Variants in MAPKAP1 observed in about 807,000 individuals in gnomAD.
MAPKAP1 encodes target of rapamycin complex 2 subunit MAPKAP1.
A neutral mutation model predicts 65.7 loss-of-function variants in MAPKAP1; 20 were observed. That is an observed-to-expected ratio of 0.30 (90% CI 0.21 to 0.44). MAPKAP1 has a LOEUF of 0.44. Ranked by LOEUF, MAPKAP1 falls within the 20% of genes least tolerant of loss-of-function variation. The pLI, the probability that MAPKAP1 is intolerant of heterozygous loss-of-function variation, is 1.00. For synonymous variants in MAPKAP1, 222 were observed against 244.3 expected (o/e 0.91, Z 0.85); for missense variants, 423 against 648.0 (o/e 0.65, Z 3.77).
At chr9:125,662,450 G>C (rs1188651432) in intron 3 of MAPKAP1, among the ~76,000 whole-genome samples, 1 of 152,196 alleles carries the variant, frequency 6.6e-6, no homozygotes, top group Admixed American at 6.5e-5. Context: ...TTGGGAGGCC[G>C]AGGTGGGTGG....
At chr9:125,693,574 C>A (rs1835250817) in intron 1 of MAPKAP1, among the ~76,000 whole-genome samples, 2 of 150,156 alleles carry the variant, frequency 1.3e-5, no homozygotes, top group Non-Finnish European at 3.0e-5. Flanking sequence ...TATACATACA[C>A]ACACATATAT....
intron 11 of MAPKAP1, among the ~76,000 whole-genome samples, chr9:125,441,998 G>T (rs1035869157): frequency 6.6e-6 from 1 of 151,792 alleles, no homozygotes; most frequent in Non-Finnish European, 1.5e-5. Context: ...GCTTGGTGGC[G>T]GGTGCCTGTA....
At chr9:125,568,193 G>A (rs989703744) in intron 5 of MAPKAP1, among the ~76,000 whole-genome samples, 4 of 152,152 alleles carry the variant, frequency 2.6e-5, no homozygotes, top group Non-Finnish European at 4.4e-5. Context: ...GATTTAGGGG[G>A]TTAAAGGCCC....
chr9:125,619,090 G>T (rs1832825104), intron 4 of MAPKAP1, among the ~76,000 whole-genome samples: 1 of 152,186 alleles, frequency 6.6e-6, no homozygotes, highest in African/African-American at 2.4e-5. Flanking sequence ...CCTTGGTCAT[G>T]CCACTGCACC....
chr9:125,702,138 T>C (rs529670278), intron 1 of MAPKAP1, among the ~76,000 whole-genome samples: 133 of 152,306 alleles, frequency 8.7e-4, no homozygotes, highest in Admixed American at 1.0e-3. Flanking sequence ...GGCTCACACC[T>C]GTAATCCCAA....
At chr9:125,565,191 T>C (rs899165849) in intron 5 of MAPKAP1, among the ~76,000 whole-genome samples, 1 of 152,246 alleles carries the variant, frequency 6.6e-6, no homozygotes, top group East Asian at 1.9e-4. Flanking sequence ...AAAAAATTTA[T>C]TTCATTGAAT....
chr9:125,582,301 AC>A, intron 5 of MAPKAP1, among the ~76,000 whole-genome samples: 1 of 152,292 alleles, frequency 6.6e-6, no homozygotes, highest in East Asian at 1.9e-4. Flanking sequence ...GTGAGCTTAA[AC>A]ATATTTATTT....
chr9:125,566,561 TGAAAAAGAAAAAGAAAAAGAAAAA>T (rs72228008), intron 5 of MAPKAP1, among the ~76,000 whole-genome samples: 2 of 147,674 alleles, frequency 1.4e-5, no homozygotes, highest in Non-Finnish European at 3.0e-5. Context: ...GACACTGTCT[TGAAAAAGAAAAAGAAAAAGAAAAA>T]GAAAAAGAAA....
intron 6 of MAPKAP1, among the ~76,000 whole-genome samples, chr9:125,548,390 TG>T (rs1199830500): frequency 1.1e-4 from 16 of 152,234 alleles, no homozygotes; most frequent in Admixed American, 4.6e-4. Context: ...AGCTTCCTAG[TG>T]GGGATGATGT....
intron 5 of MAPKAP1, among the ~76,000 whole-genome samples, chr9:125,567,273 C>T (rs945219433): frequency 6.6e-6 from 1 of 152,196 alleles, no homozygotes; most frequent in African/African-American, 2.4e-5. Context: ...GGGCTGCATT[C>T]CCAGATGGTT....
chr9:125,693,116 T>C (rs1407158529), intron 1 of MAPKAP1, among the ~76,000 whole-genome samples: 3 of 152,024 alleles, frequency 2.0e-5, no homozygotes, highest in East Asian at 3.9e-4. Flanking sequence ...ATAATATTTT[T>C]ATATTAAGAA....
intron 8 of MAPKAP1, 168 bp downstream of exon 8, chr9:125,506,142 A>G: frequency 1.5e-6 from 1 of 656,148 alleles, no homozygotes; most frequent in Non-Finnish European, 2.8e-6. Flanking sequence ...CACAAAATCA[A>G]TCATTTCACT....
intron 6 of MAPKAP1, among the ~76,000 whole-genome samples, chr9:125,556,945 CACATATAA>C (rs1425753601): frequency 6.6e-6 from 1 of 152,152 alleles, no homozygotes; most frequent in Non-Finnish European, 1.5e-5. Context: ...TCTTAATGCT[CACATATAA>C]AGATTTCACT....
chr9:125,698,500 C>T (rs887548448), intron 1 of MAPKAP1, among the ~76,000 whole-genome samples: 3 of 150,650 alleles, frequency 2.0e-5, no homozygotes, highest in Non-Finnish European at 4.4e-5. Flanking sequence ...TGCCACCACG[C>T]CTGGCAAATT....
chr9:125,684,672 G>A (rs906539932), intron 1 of MAPKAP1, among the ~76,000 whole-genome samples: 4 of 152,134 alleles, frequency 2.6e-5, no homozygotes, highest in African/African-American at 7.2e-5. Context: ...GTTGCATTCC[G>A]TAAGACTTAG....
rs1350735792 is a variant in MAPKAP1 at position 125,576,983 on chromosome 9, G to A, written c.671+8572C>T. 6.7e-5 allele frequency among the ~76,000 whole-genome samples: 10 copies of A among 148,328 alleles called. No homozygotes were observed. The South Asian group carries it at 8.8e-4, about 13-fold the overall frequency. ...GAGCGTCTCTGCCTGGCCGCCCATC[G>A]TCTGGGATGTGAGGAGCCCCTCTGC... On this transcript the variant is annotated intron_variant, in intron 5 of 11. Coordinates refer to ENST00000265960, the MANE Select transcript of MAPKAP1 (RefSeq NM_001006617.3).
chr9:125,649,798 CAAAAAAAAAAAAA>C, intron 4 of MAPKAP1, among the ~76,000 whole-genome samples: 1 of 76,222 alleles, frequency 1.3e-5, no homozygotes, highest in Non-Finnish European at 2.6e-5. Context: ...AACTCCGTCT[CAAAAAAAAAAAAA>C]AAAAAAGAAA....
At chr9:125,479,398 G>A (rs1010357153) in intron 9 of MAPKAP1, among the ~76,000 whole-genome samples, 3 of 152,112 alleles carry the variant, frequency 2.0e-5, no homozygotes, top group African/African-American at 7.2e-5. Context: ...TGACCAACAC[G>A]GGGAAACCCC....
chr9:125,477,356 T>C (rs1854147644), intron 9 of MAPKAP1, among the ~76,000 whole-genome samples: 1 of 152,096 alleles, frequency 6.6e-6, no homozygotes, highest in Non-Finnish European at 1.5e-5. Context: ...TGAGACTGCA[T>C]CAGAAAAACC....
Sources: allele counts gnomAD v4.1 joint callset (sites outside exome capture counted in the v4.1 genomes callset), GRCh38; gene constraint gnomAD v4.1.1; transcripts MANE v1.5; gene names NCBI Gene and HGNC (gene_info 2026-07-23, HGNC 2026-07-21).